KIFC3: variants seen among roughly 807,000 people sequenced by gnomAD.
KIFC3 encodes kinesin family member C3.
KIFC3 carries 60 observed loss-of-function variants against 101.8 expected under a neutral mutation model. The observed-to-expected ratio is 0.59, with a 90% CI of 0.48 to 0.73. The LOEUF is 0.73. Ranked by LOEUF, KIFC3 falls within the 30% of genes least tolerant of loss-of-function variation. The probability of loss-of-function intolerance (pLI) is 0.00; values close to 1 mark genes in which losing one functional copy is unlikely to be tolerated. For missense variants in KIFC3, 966 were observed against 1,137.1 expected (o/e 0.85, Z 2.16); for synonymous variants, 476 against 482.7 (o/e 0.99, Z 0.18).
In KIFC3 at chr16:57,761,664, T is replaced by C. The variant is rs375118772; in HGVS notation, c.1749-128A>G. The C allele has an allele frequency of 1.1e-4, 105 of 987,402 alleles. No individual in the cohort carries two copies. The East Asian group carries it at 1.8e-3, about 17-fold the overall frequency. The allele number at this position is 987,402 out of a possible 1,614,324, so 61.2% of individuals were successfully genotyped here. A position where few individuals can be genotyped will look rare whatever the true frequency, so the allele number is the denominator to read the frequency against. ...CTTCTCCAGCCATCAGCTGAGTGCA[T>C]CTCTCCTCCTCCAGCTCCTCCACCG... On this transcript the variant is annotated intron_variant, in intron 13 of 19. Coordinates refer to ENST00000445690, the MANE Select transcript of KIFC3 (RefSeq NM_001130100.2).
At chr16:57,812,191 C>T (rs112201282) in intron 1 of KIFC3, among the ~76,000 whole-genome samples, 10 of 151,628 alleles carry the variant, frequency 6.6e-5, no homozygotes, top group African/African-American at 1.9e-4. Flanking sequence ...TACAGGCGCC[C>T]GCCACCTCGC....
At chr16:57,761,841 C>T (rs1345963696) in intron 13 of KIFC3, among the ~76,000 whole-genome samples, 1 of 152,184 alleles carries the variant, frequency 6.6e-6, no homozygotes, top group Non-Finnish European at 1.5e-5. Context: ...CCCTCCTCCC[C>T]CCAGAACCAT....
At chr16:57,803,651 C>T (rs554360189), upstream of KIFC3, among the ~76,000 whole-genome samples, 23 of 152,322 alleles carry the variant, frequency 1.5e-4, no homozygotes, top group East Asian at 3.1e-3. Context: ...TTGTTCTGGA[C>T]GCCAGAGCAG....
rs1555624182 is a variant in KIFC3 at position 57,798,296 on chromosome 16, A to G, written c.-39-14T>C. 1 of 1,543,348 alleles carries G rather than the reference A, an allele frequency of 6.5e-7. No individual in the cohort carries two copies. Among genetic ancestry groups the G allele is most frequent in the East Asian group, 2.4e-5 (1 of 40,996 alleles). Reference sequence around the variant, plus strand: ...GCACCAGGCAGCCTGCGGAGAGAACAAGGGGAGATAAGCTTGAAGACCGTG... The same window carrying G: ...GCACCAGGCAGCCTGCGGAGAGAACGAGGGGAGATAAGCTTGAAGACCGTG... On this transcript the variant is annotated splice_polypyrimidine_tract_variant and intron_variant, in intron 1 of 19. Coordinates refer to ENST00000445690, the MANE Select transcript of KIFC3 (RefSeq NM_001130100.2).
rs534195343 is a variant in KIFC3 at position 57,759,161 on chromosome 16, C to A, written c.2477-8G>T. The stretch of plus-strand genomic sequence containing the variant: ...GCAGCCCCAGCCGTCAGGCTGAAAT[C>A]AAAGTGACAGGCGTCTCACTGGTGG... On this transcript the variant is annotated splice_region_variant and splice_polypyrimidine_tract_variant and intron_variant, in intron 18 of 19. Transcript: ENST00000445690. 8 of 1,550,832 alleles carry A rather than the reference C, an allele frequency of 5.2e-6. No individual in the cohort carries two copies. The African/African-American group carries it at 9.6e-5, about 19-fold the overall frequency.
At chr16:57,850,044 T>C (rs1182423991) in intron 1 of KIFC3, among the ~76,000 whole-genome samples, 3 of 152,040 alleles carry the variant, frequency 2.0e-5, no homozygotes, top group Non-Finnish European at 2.9e-5. Context: ...TAGTGAGCTA[T>C]AATCGTGCCA....
At chr16:57,772,092 G>A (rs576968393) in intron 4 of KIFC3, 131 bp downstream of exon 4, 136 of 774,304 alleles carry the variant, frequency 1.8e-4, no homozygotes, top group Non-Finnish European at 2.5e-4. Flanking sequence ...TAAGGCTCTC[G>A]GTGTGTTTCT....
rs1345870566 is a variant in KIFC3 at position 57,760,773 on chromosome 16, G to T, written c.2185C>A (p.Leu729Met). The T allele has an allele frequency of 6.2e-7, 1 of 1,613,764 alleles. No individual in the cohort carries two copies. The highest frequency in any genetic ancestry group is 8.5e-7 in the Non-Finnish European group (1 of 1,180,022). ...PFRNSKLTYL[L>M]QDSLSGDSKT... is the part of the protein sequence containing the mutation. ...CTGTCACCACTAAGCGAATCCTGCAGCAGGTAGGTGAGCTTGGAGTTGCGG... is the reference window on the plus strand; with the variant it reads ...CTGTCACCACTAAGCGAATCCTGCATCAGGTAGGTGAGCTTGGAGTTGCGG... Residue 729 changes from leucine (L) to methionine (M), a missense_variant, in exon 16 of 20, where the codon CTG (leucine) becomes ATG (methionine). Around this residue, in one of 2 missense-constraint regions of KIFC3, gnomAD observed 689 missense variants for 884.6 expected, o/e 0.78. Transcript: ENST00000445690.
Position 57,798,202 on chromosome 16 carries a change from G to C in KIFC3, c.42C>G (p.Pro14=). 1.9e-6 allele frequency: 3 copies of C among 1,545,966 alleles called. No homozygotes were observed. The highest frequency in any genetic ancestry group is 8.7e-7 in the Non-Finnish European group (1 of 1,145,686). ...SRRTWNLGAT[P]SLRGLWRVGR... is the part of the protein sequence containing the mutation. ...CCACTCTCCACAGGCCCCGCAGCGA[G>C]GGCGTGGCTCCCAGGTTCCACGTCC... The change falls in exon 2 of 20, where the codon CCC becomes CCG. Residue 14 remains proline, a synonymous_variant. Transcript: ENST00000445690.
At chr16:57,814,272 T>C (rs1201186820) in intron 1 of KIFC3, among the ~76,000 whole-genome samples, 1 of 152,128 alleles carries the variant, frequency 6.6e-6, no homozygotes, top group Non-Finnish European at 1.5e-5. Flanking sequence ...ACCTCCTCCA[T>C]GGGGACTCCT....
intron 1 of KIFC3, among the ~76,000 whole-genome samples, chr16:57,854,355 C>T (rs112604915): frequency 0.032 from 4,843 of 152,200 alleles, 113 homozygotes; most frequent in Middle Eastern, 0.092. Context: ...GGGCCAGGTG[C>T]GGTGGCTTTT....
At chr16:57,761,984 C>T (rs1182855371) in intron 13 of KIFC3, among the ~76,000 whole-genome samples, 156 bp downstream of exon 13, 2 of 152,164 alleles carry the variant, frequency 1.3e-5, no homozygotes, top group African/African-American at 4.8e-5. Context: ...TTCCTATCCC[C>T]CATTGCTCCA....
At chr16:57,764,290 G>A (rs1555600724) in intron 11 of KIFC3, 43 bp from the exon 12 acceptor site, 1 of 1,232,098 alleles carries the variant, frequency 8.1e-7, no homozygotes, top group East Asian at 2.5e-5. Flanking sequence ...GGGCTTCCAG[G>A]GCCGCTGGGA....
At chr16:57,815,273 C>T (rs2055193937) in intron 1 of KIFC3, among the ~76,000 whole-genome samples, 1 of 152,182 alleles carries the variant, frequency 6.6e-6, no homozygotes, top group Non-Finnish European at 1.5e-5. Flanking sequence ...GTGCCCAAGG[C>T]TGTGGGGGTC....
At chr16:57,794,369 G>T (rs566811499) in intron 3 of KIFC3, among the ~76,000 whole-genome samples, 2 of 151,736 alleles carry the variant, frequency 1.3e-5, no homozygotes, top group African/African-American at 4.8e-5. Context: ...GGGACTATAG[G>T]AACCACCATG....
chr16:57,838,267 T>C (rs1380588513), intron 1 of KIFC3, among the ~76,000 whole-genome samples: 2 of 152,188 alleles, frequency 1.3e-5, no homozygotes, highest in East Asian at 1.9e-4. Flanking sequence ...ATGGTTCAGC[T>C]ACAAACCGCC....
rs191127170 is a variant in KIFC3, at chr16:57,857,628, T to C, written c.108+5101A>G. Among the ~76,000 whole-genome samples, 6 of 152,046 alleles carry C rather than the reference T, an allele frequency of 3.9e-5. No homozygotes were observed. The East Asian group carries it at 1.2e-3, about 29-fold the overall frequency. ...GTTCTCATTGTTCAACTCCCACTTA[T>C]GAGTGAGTATGTTCAGTGTTTGGTT... is the stretch of plus-strand genomic sequence containing the variant. On this transcript the variant is annotated intron_variant, in intron 1 of 2. Coordinates refer to the KIFC3 transcript ENST00000563028.
At chr16:57,860,399 GCCAAA>G (rs2056279449) in intron 1 of KIFC3, among the ~76,000 whole-genome samples, 10 of 152,188 alleles carry the variant, frequency 6.6e-5, no homozygotes, top group Admixed American at 5.2e-4. Flanking sequence ...GTTGCAGTGA[GCCAAA>G]GATCATGCAT....
rs2049967980 is a variant in KIFC3, at chr16:57,780,207, AC to A, written c.316-7920del. Reference sequence around the variant, plus strand: ...TGAGAATGTACTGCTGCTGAACGTTACTCTCAAAAATGCTTCAGATCAGCCG... The same window carrying A: ...TGAGAATGTACTGCTGCTGAACGTTATCTCAAAAATGCTTCAGATCAGCCG... On this transcript the variant is annotated intron_variant, in intron 3 of 19. Coordinates refer to ENST00000445690, the MANE Select transcript of KIFC3 (RefSeq NM_001130100.2). 2.0e-5 allele frequency among the ~76,000 whole-genome samples: 3 copies of A among 152,102 alleles called. No individual in the cohort carries two copies. In the South Asian group the frequency reaches 6.2e-4, roughly 32 times the overall value.
Sources: allele counts gnomAD v4.1 joint callset (sites outside exome capture counted in the v4.1 genomes callset), GRCh38; gene constraint gnomAD v4.1.1; regional missense constraint gnomAD v4.1.1; transcripts MANE v1.5; gene names NCBI Gene and HGNC (gene_info 2026-07-23, HGNC 2026-07-21).